RABGAP1L: variants seen among roughly 807,000 people sequenced by gnomAD.
RABGAP1L encodes RAB GTPase activating protein 1 like.
In RABGAP1L, 63 loss-of-function variants were observed where a neutral mutation model predicts 137.7. That is an observed-to-expected ratio of 0.46 (90% CI 0.37 to 0.56). The LOEUF is 0.56. RABGAP1L is among the 20% of genes least tolerant of loss of function. The pLI is 0.00. For synonymous variants in RABGAP1L, 431 were observed against 433.7 expected, an observed-to-expected ratio of 0.99 and a Z score of 0.08; for missense variants, 1,095 against 1,244.0, an observed-to-expected ratio of 0.88 and a Z score of 1.80.
chr1:174,241,744 T>A, intron 5 of RABGAP1L, 87 bp downstream of exon 5: 1 of 1,112,116 alleles, frequency 9.0e-7, no homozygotes, highest in Non-Finnish European at 1.3e-6. Context: ...TATAAATATG[T>A]TACATAAATT....
chr1:174,637,317 T>C, intron 13 of RABGAP1L, 58 bp from the exon 14 acceptor site: 1 of 1,210,068 alleles, frequency 8.3e-7, no homozygotes, highest in South Asian at 1.3e-5. Context: ...TGTGTATATA[T>C]TATATTTCAT....
chr1:174,373,177 A>T (rs12073751), intron 12 of RABGAP1L, among the ~76,000 whole-genome samples: 53,555 of 152,086 alleles, frequency 0.35, 12,090 homozygotes, highest in African/African-American at 0.64. Context: ...GAGTTAGGAC[A>T]GTTTCAATGT....
At chr1:174,430,925 G>A (rs916435804) in intron 13 of RABGAP1L, among the ~76,000 whole-genome samples, 1 of 152,098 alleles carries the variant, frequency 6.6e-6, no homozygotes, top group Non-Finnish European at 1.5e-5. Flanking sequence ...TCAAGCCAAG[G>A]TTTGATCATT....
In RABGAP1L at chr1:174,754,790, A is replaced by G. The variant is rs377379317; in HGVS notation, c.2211+2436A>G. 2.0e-4 allele frequency among the ~76,000 whole-genome samples: 31 copies of G among 152,270 alleles called. 1 individual carries two copies. Among genetic ancestry groups the G allele is most frequent in the Admixed American group, 1.5e-3 (23 of 15,286 alleles). ...GCACTGGGATTATAGGTGTGAGCCAATGAGCCTGGCCTTCAAAGTGCTTAT... is the reference window on the plus strand; with the variant it reads ...GCACTGGGATTATAGGTGTGAGCCAGTGAGCCTGGCCTTCAAAGTGCTTAT... On this transcript the variant is annotated intron_variant, in intron 18 of 25. Transcript: ENST00000681986.
At chr1:174,816,734 C>T (rs374315406) in intron 19 of RABGAP1L, among the ~76,000 whole-genome samples, 21 of 138,290 alleles carry the variant, frequency 1.5e-4, no homozygotes, top group East Asian at 6.4e-4. Context: ...AGAAACAAGT[C>T]TTTTTTTTTT....
chr1:174,808,529 G>A (rs950235364), intron 18 of RABGAP1L, among the ~76,000 whole-genome samples: 1 of 152,048 alleles, frequency 6.6e-6, no homozygotes, highest in South Asian at 2.1e-4. Context: ...GAGCATATTT[G>A]AGCAACACAG....
chr1:174,183,776 C>A (rs898519436), intron 1 of RABGAP1L, among the ~76,000 whole-genome samples: 1 of 152,076 alleles, frequency 6.6e-6, no homozygotes, highest in Non-Finnish European at 1.5e-5. Context: ...TTCCTCCCTC[C>A]CTGGACCCTA....
At chr1:174,627,230 G>A (rs974548320) in intron 13 of RABGAP1L, among the ~76,000 whole-genome samples, 25 of 152,128 alleles carry the variant, frequency 1.6e-4, no homozygotes, top group Non-Finnish European at 3.1e-4. Context: ...CACTTCAGCC[G>A]CTGCTAAGGT....
intron 13 of RABGAP1L, among the ~76,000 whole-genome samples, chr1:174,560,478 ATC>A (rs1411360743): frequency 1.3e-5 from 2 of 152,224 alleles, no homozygotes; most frequent in African/African-American, 4.8e-5. Context: ...GGGCAGGGGA[ATC>A]TACTTTGTAA....
intron 14 of RABGAP1L, among the ~76,000 whole-genome samples, chr1:174,675,404 T>A (rs545065584): frequency 1.3e-5 from 2 of 152,036 alleles, no homozygotes; most frequent in African/African-American, 2.4e-5. Flanking sequence ...GTTGTAGATA[T>A]GTGGCGTTAT....
chr1:174,855,013 C>T (rs1649059382), intron 19 of RABGAP1L, among the ~76,000 whole-genome samples: 1 of 152,080 alleles, frequency 6.6e-6, no homozygotes, highest in Non-Finnish European at 1.5e-5. Context: ...GCTGGGATTA[C>T]AGGAGTGAGC....
At chr1:174,589,433 G>A (rs1384110622) in intron 13 of RABGAP1L, among the ~76,000 whole-genome samples, 1 of 152,026 alleles carries the variant, frequency 6.6e-6, no homozygotes, top group Non-Finnish European at 1.5e-5. Context: ...TTCCTTTGCT[G>A]TGAAGAAGCT....
At chr1:174,239,294 G>T (rs920332251) in intron 4 of RABGAP1L, among the ~76,000 whole-genome samples, 1 of 152,026 alleles carries the variant, frequency 6.6e-6, no homozygotes, top group South Asian at 2.1e-4. Flanking sequence ...GCTCCTCTTC[G>T]ATAATTTGTT....
intron 21 of RABGAP1L, among the ~76,000 whole-genome samples, chr1:174,973,153 C>G (rs1356001667): frequency 6.6e-6 from 1 of 152,086 alleles, no homozygotes; most frequent in African/African-American, 2.4e-5. Flanking sequence ...AATTAAGCTT[C>G]CTGGAAAACT....
intron 3 of RABGAP1L, among the ~76,000 whole-genome samples, chr1:174,224,558 A>G (rs1670015926): frequency 6.6e-6 from 1 of 152,150 alleles, no homozygotes; most frequent in South Asian, 2.1e-4. Flanking sequence ...CTTTCAAGTA[A>G]TTGGTTAATT....
intron 15 of RABGAP1L, among the ~76,000 whole-genome samples, chr1:174,697,740 G>A (rs1265195668): frequency 6.6e-6 from 1 of 152,194 alleles, no homozygotes; most frequent in Admixed American, 6.5e-5. Flanking sequence ...GTTCAAGTTA[G>A]TGTCACTTGA....
intron 7 of RABGAP1L, among the ~76,000 whole-genome samples, chr1:174,268,504 C>T (rs899411092): frequency 6.6e-6 from 1 of 152,052 alleles, no homozygotes; most frequent in African/African-American, 2.4e-5. Context: ...CGCCCAGCCA[C>T]TTTTTCATTT....
At chr1:174,958,240 G>C (rs1391722934) in intron 20 of RABGAP1L, 2 of 1,240,152 alleles carry the variant, frequency 1.6e-6, no homozygotes, top group African/African-American at 3.1e-5. Flanking sequence ...ATGAACAACA[G>C]TGATATTTGA....
intron 13 of RABGAP1L, among the ~76,000 whole-genome samples, chr1:174,476,972 T>A (rs1374691738): frequency 1.3e-5 from 2 of 152,170 alleles, no homozygotes; most frequent in Non-Finnish European, 2.9e-5. Flanking sequence ...AAATTTAATT[T>A]GGGTTATTTG....
Sources: allele counts gnomAD v4.1 joint callset (sites outside exome capture counted in the v4.1 genomes callset), GRCh38; gene constraint gnomAD v4.1.1; transcripts MANE v1.5; gene names NCBI Gene and HGNC (gene_info 2026-07-23, HGNC 2026-07-21).